The following AFF2 variants were observed in gnomAD, a reference collection of about 807,000 sequenced individuals.
AFF2 encodes the protein ALF transcription elongation factor 2.
Under a neutral mutation model 76.9 loss-of-function variants are expected in AFF2, and 14 were observed. The ratio of observed to expected loss-of-function variants is 0.18; its 90% CI spans 0.12 to 0.28. The LOEUF (loss-of-function observed/expected upper bound fraction) is 0.28. AFF2 is among the 10% of genes least tolerant of loss of function. The pLI is 1.00. For missense variants in AFF2, 868 were observed against 1,001.1 expected, an observed-to-expected ratio of 0.87 and a Z score of 1.79; for synonymous variants, 398 against 366.7, an observed-to-expected ratio of 1.09 and a Z score of -0.98.
chrX:148,840,454 A>T (rs1648438936), intron 5 of AFF2, among the ~76,000 whole-genome samples: 1 of 112,019 alleles, frequency 8.9e-6, no homozygotes, highest in South Asian at 3.7e-4. Flanking sequence ...TGCCTAAAAC[A>T]TCTACTGTCT....
intron 4 of AFF2, among the ~76,000 whole-genome samples, chrX:148,819,136 G>A (rs1287475534): frequency 1.8e-5 from 2 of 111,073 alleles, no homozygotes; most frequent in Non-Finnish European, 3.8e-5. Context: ...ATAATGATGT[G>A]GAAGTACTCT....
intron 3 of AFF2, among the ~76,000 whole-genome samples, chrX:148,791,192 A>G (rs1703363669): frequency 8.9e-6 from 1 of 112,283 alleles, no homozygotes; most frequent in Non-Finnish European, 1.9e-5. Context: ...TAATAAAGAC[A>G]TACCCCAAAC....
intron 19 of AFF2, among the ~76,000 whole-genome samples, chrX:148,986,486 G>C (rs781799678): frequency 8.9e-6 from 1 of 112,717 alleles, no homozygotes; most frequent in African/African-American, 3.2e-5. Context: ...ATGAAAATGT[G>C]TGTCTAAACA....
intron 8 of AFF2, among the ~76,000 whole-genome samples, chrX:148,903,982 C>A (rs2071382524): frequency 9.0e-6 from 1 of 111,543 alleles, no homozygotes; most frequent in Non-Finnish European, 1.9e-5. Context: ...AGGCAGCCCT[C>A]ACAATATCCA....
At chrX:148,616,193 C>T (rs1557250304) in intron 1 of AFF2, among the ~76,000 whole-genome samples, 2 of 111,666 alleles carry the variant, frequency 1.8e-5, no homozygotes, top group African/African-American at 6.5e-5. Context: ...CATTATGTGT[C>T]TTCCACTGGT....
At chrX:148,954,753 G>A (rs1315591904) in intron 10 of AFF2, among the ~76,000 whole-genome samples, 1 of 111,971 alleles carries the variant, frequency 8.9e-6, no homozygotes, top group Non-Finnish European at 1.9e-5. Context: ...AGTGGCTGCT[G>A]ATACAACTTC....
chrX:148,809,822 A>G (rs2070181076), intron 3 of AFF2, 54 bp from the exon 4 acceptor site: 20 of 1,135,310 alleles, frequency 1.8e-5, no homozygotes, highest in East Asian at 6.0e-5. Flanking sequence ...GTAAACTATT[A>G]TACAAGAAGA....
chrX:148,955,534 G>T, intron 10 of AFF2, 69 bp from the exon 11 acceptor site: 1 of 1,099,835 alleles, frequency 9.1e-7, no homozygotes, highest in Non-Finnish European at 1.2e-6. Context: ...AGTAGTCTCT[G>T]TACTCAGGGT....
At chrX:148,681,344 T>C (rs1259721132) in intron 3 of AFF2, among the ~76,000 whole-genome samples, 1 of 111,739 alleles carries the variant, frequency 8.9e-6, no homozygotes, top group Non-Finnish European at 1.9e-5. Flanking sequence ...TCAAGTGCTG[T>C]CTTTTTTCTA....
chrX:148,554,566 A>T (rs1471275105), intron 1 of AFF2, among the ~76,000 whole-genome samples: 1 of 112,290 alleles, frequency 8.9e-6, no homozygotes, highest in Non-Finnish European at 1.9e-5. Flanking sequence ...ATCTTCAATA[A>T]GTTTTCCAAT....
intron 3 of AFF2, among the ~76,000 whole-genome samples, chrX:148,784,885 C>A (rs782385675): frequency 9.0e-6 from 1 of 111,370 alleles, no homozygotes; most frequent in Non-Finnish European, 1.9e-5. Flanking sequence ...TCTCCATGCA[C>A]GGGCTGCCCC....
chrX:148,637,556 A>G (rs1374002587), intron 1 of AFF2, among the ~76,000 whole-genome samples: 2 of 112,405 alleles, frequency 1.8e-5, no homozygotes, highest in Non-Finnish European at 3.8e-5. Flanking sequence ...TGGGCCACAG[A>G]TACAAGCCAC....
chrX:148,956,529 CAAG>C lies in AFF2; in HGVS notation c.2485_2487del (p.Lys829del), dbSNP rs1290454037. On this transcript the variant is annotated inframe_deletion, in exon 11 of 21. Transcript: ENST00000370460. ...ATGCAGCACCTGCCAAGCCAGACCACAAGGAGACTGCCACAAAACCCAAGCGTC... is the reference window on the plus strand; with the variant it reads ...ATGCAGCACCTGCCAAGCCAGACCACGAGACTGCCACAAAACCCAAGCGTC... The C allele has an allele frequency of 9.1e-6, 11 of 1,210,363 alleles. No homozygotes were observed. The highest frequency in any genetic ancestry group is 2.2e-5 in the Admixed American group (1 of 45,839).
At position 148,973,092 on chromosome X, in the gene AFF2, C is replaced by T. The variant is rs782045059; in HGVS notation, c.3268-379C>T. On this transcript the variant is annotated intron_variant, in intron 15 of 20. Coordinates refer to ENST00000370460, the MANE Select transcript of AFF2 (RefSeq NM_002025.4). ...CAAAGATCAGATAGTTGTAGATATG[C>T]GGCATTATTTCTGAGGGCTCTGTTC... Among the ~76,000 whole-genome samples, 409 of 102,589 alleles carry T rather than the reference C, an allele frequency of 4.0e-3. 1 individual carries two copies. Among genetic ancestry groups the T allele is most frequent in the African/African-American group, 0.014 (392 of 27,836 alleles). 89.1% of individuals were successfully genotyped at this position (102,589 alleles called of 115,157 possible). A position where few individuals can be genotyped will look rare whatever the true frequency, so the allele number is the denominator to read the frequency against.
chrX:148,526,950 C>A (rs1348177428), intron 1 of AFF2, among the ~76,000 whole-genome samples: 1 of 112,030 alleles, frequency 8.9e-6, no homozygotes, highest in East Asian at 2.8e-4. Context: ...TGTGAAAAAT[C>A]AGTTCAGGTA....
Position 148,704,201 on chromosome X carries a change from G to A in AFF2, c.1041+41433G>A, listed in dbSNP as rs190594995. Among the ~76,000 whole-genome samples the A allele has an allele frequency of 1.1e-3, 86 of 76,838 alleles. 2 individuals are homozygous for A. Among genetic ancestry groups the A allele is most frequent in the African/African-American group, 3.8e-3 (79 of 21,031 alleles). The allele number at this position is 76,838 out of a possible 115,157, so 66.7% of individuals were successfully genotyped here. On this transcript the variant is annotated intron_variant, in intron 3 of 20. Coordinates refer to ENST00000370460, the MANE Select transcript of AFF2 (RefSeq NM_002025.4). ...GAAATTTTTATGTTGGGTGAAATAGGAAGTATTGGAAATCCTATATATATA... is the reference window on the plus strand; with the variant it reads ...GAAATTTTTATGTTGGGTGAAATAGAAAGTATTGGAAATCCTATATATATA...
intron 3 of AFF2, among the ~76,000 whole-genome samples, chrX:148,809,430 C>T (rs1351222555): frequency 1.8e-5 from 2 of 112,233 alleles, no homozygotes; most frequent in African/African-American, 6.5e-5. Flanking sequence ...AGGCCGTTAT[C>T]CTTAGTGTTT....
At chrX:148,886,392 A>G (rs1557279097) in intron 8 of AFF2, among the ~76,000 whole-genome samples, 2 of 111,616 alleles carry the variant, frequency 1.8e-5, no homozygotes, top group Non-Finnish European at 1.9e-5. Flanking sequence ...GTGATGCTTC[A>G]TTCACCTTTC....
intron 3 of AFF2, among the ~76,000 whole-genome samples, chrX:148,723,585 G>A (rs2055119832): frequency 8.9e-6 from 1 of 112,009 alleles, no homozygotes; most frequent in Non-Finnish European, 1.9e-5. Context: ...GGAACGTTCG[G>A]TACCAACTGA....
Sources: allele counts gnomAD v4.1 joint callset (sites outside exome capture counted in the v4.1 genomes callset), GRCh38; gene constraint gnomAD v4.1.1; transcripts MANE v1.5; gene names NCBI Gene and HGNC (gene_info 2026-07-23, HGNC 2026-07-21).